The following PTPRO variants were observed in gnomAD, a reference collection of about 807,000 sequenced individuals.
PTPRO encodes the protein protein tyrosine phosphatase receptor type O.
Under a neutral mutation model 145.2 loss-of-function variants are expected in PTPRO, and 62 were observed. The observed-to-expected ratio is 0.43, with a 90% confidence interval of 0.35 to 0.53. The LOEUF (loss-of-function observed/expected upper bound fraction) is 0.53. Ranked by LOEUF, PTPRO falls within the 20% of genes least tolerant of loss-of-function variation. The pLI, the probability that PTPRO is intolerant of heterozygous loss-of-function variation, is 0.01. For synonymous variants in PTPRO, 565 were observed against 514.7 expected (o/e 1.10, Z -1.32); for missense variants, 1,345 against 1,482.7 (o/e 0.91, Z 1.53).
intron 1 of PTPRO, among the ~76,000 whole-genome samples, chr12:15,384,754 A>C (rs553428226): frequency 9.2e-5 from 14 of 152,204 alleles, no homozygotes; most frequent in Non-Finnish European, 1.8e-4. Flanking sequence ...ATGTTAATAC[A>C]ATAAAGAATT....
chr12:15,438,687 C>T (rs191883616), intron 1 of PTPRO, among the ~76,000 whole-genome samples: 1 of 151,740 alleles, frequency 6.6e-6, no homozygotes, highest in Non-Finnish European at 1.5e-5. Flanking sequence ...AATGAGCAGT[C>T]CTCATGAAAT....
At chr12:15,423,155 G>A (rs1477066917) in intron 1 of PTPRO, among the ~76,000 whole-genome samples, 1 of 152,164 alleles carries the variant, frequency 6.6e-6, no homozygotes, top group Non-Finnish European at 1.5e-5. Flanking sequence ...GGATGCAAGA[G>A]AGGAGCACTG....
intron 1 of PTPRO, among the ~76,000 whole-genome samples, chr12:15,397,569 C>T (rs1184104862): frequency 1.3e-5 from 2 of 152,188 alleles, no homozygotes; most frequent in African/African-American, 4.8e-5. Flanking sequence ...TTACCTCCAA[C>T]TGAGAATATG....
chr12:15,429,857 A>C (rs1281566682), intron 1 of PTPRO, among the ~76,000 whole-genome samples: 1 of 152,184 alleles, frequency 6.6e-6, no homozygotes, highest in Non-Finnish European at 1.5e-5. Context: ...CAAGAGATTA[A>C]AAACAATAGA....
intron 1 of PTPRO, among the ~76,000 whole-genome samples, chr12:15,460,234 C>A (rs1168472779): frequency 1.3e-5 from 2 of 152,150 alleles, no homozygotes; most frequent in African/African-American, 4.8e-5. Flanking sequence ...AAAACTAAGG[C>A]CTTGCTACCA....
At chr12:15,517,706 C>T (rs1436769420) in intron 9 of PTPRO, among the ~76,000 whole-genome samples, 6 of 152,224 alleles carry the variant, frequency 3.9e-5, no homozygotes, top group African/African-American at 1.4e-4. Context: ...CTCCAAAATC[C>T]ACTGGGACAG....
Position 15,578,952 on chromosome 12 carries a change from G to A in PTPRO, c.2920+9G>A, listed in dbSNP as rs757572769. ...CACAAACATCCTACCATGTAAGATC[G>A]TCAATTGTGCCAATAACACTCATGT... On this transcript the variant is annotated intron_variant, in intron 20 of 26. Transcript: ENST00000281171. The A allele has an allele frequency of 3.4e-5, 53 of 1,555,322 alleles. 2 individuals carry two copies. Among genetic ancestry groups the A allele is most frequent in the South Asian group, 1.3e-4 (12 of 89,866 alleles).
chr12:15,428,441 T>C (rs971922674), intron 1 of PTPRO, among the ~76,000 whole-genome samples: 1 of 152,108 alleles, frequency 6.6e-6, no homozygotes, highest in Admixed American at 6.6e-5. Context: ...AGACTAGTGG[T>C]CAAAATTGAA....
rs771118901 is a variant in PTPRO, at chr12:15,578,885, C to T, written c.2862C>T (p.His954=). ...ELKLIGLDIP[H]FAADLPLNRC... Reference sequence around the variant, plus strand: ...AATTGATTGGACTGGATATCCCACACTTTGCTGCAGATCTTCCACTGAATC... The same window carrying T: ...AATTGATTGGACTGGATATCCCACATTTTGCTGCAGATCTTCCACTGAATC... Residue 954 remains histidine, a synonymous_variant, in exon 20 of 27, where the codon CAC becomes CAT. Transcript: ENST00000281171. 6.2e-7 allele frequency: 1 copy of T among 1,606,920 alleles called. No homozygotes were observed. Among genetic ancestry groups the T allele is most frequent in the Non-Finnish European group, 8.5e-7 (1 of 1,173,438 alleles).
chr12:15,582,413 C>A (rs1180804667), intron 23 of PTPRO, among the ~76,000 whole-genome samples: 1 of 152,228 alleles, frequency 6.6e-6, no homozygotes, highest in Non-Finnish European at 1.5e-5. Context: ...ATTGCTGCTT[C>A]CTTCAAGAGG....
At chr12:15,390,656 A>C (rs2136286085) in intron 1 of PTPRO, among the ~76,000 whole-genome samples, 1 of 152,280 alleles carries the variant, frequency 6.6e-6, no homozygotes, top group East Asian at 1.9e-4. Flanking sequence ...GGCAGAAAAT[A>C]AGAATTATAT....
chr12:15,333,546 T>C (rs139581624), intron 1 of PTPRO, among the ~76,000 whole-genome samples: 1 of 152,216 alleles, frequency 6.6e-6, no homozygotes, highest in East Asian at 1.9e-4. Flanking sequence ...AAATGGAAGG[T>C]ATGGGACAGA....
At chr12:15,570,529 A>G (rs1944021137) in intron 19 of PTPRO, among the ~76,000 whole-genome samples, 1 of 152,176 alleles carries the variant, frequency 6.6e-6, no homozygotes, top group Admixed American at 6.5e-5. Context: ...AAAGACCGCT[A>G]ACTACCACCT....
intron 19 of PTPRO, 43 bp downstream of exon 19, chr12:15,569,541 G>A (rs1168512844): frequency 7.8e-6 from 12 of 1,532,326 alleles, no homozygotes; most frequent in Non-Finnish European, 1.1e-5. Context: ...AATGGAAAGG[G>A]CCTGGGAATT....
At chr12:15,543,634 G>A (rs1943221635) in intron 12 of PTPRO, among the ~76,000 whole-genome samples, 1 of 152,082 alleles carries the variant, frequency 6.6e-6, no homozygotes, top group Admixed American at 6.6e-5. Context: ...TTCAAATGAA[G>A]ACAAAGTCAT....
At chr12:15,426,791 A>C (rs1591801464) in intron 1 of PTPRO, among the ~76,000 whole-genome samples, 1 of 151,970 alleles carries the variant, frequency 6.6e-6, no homozygotes, top group African/African-American at 2.4e-5. Flanking sequence ...AATACCAGAC[A>C]CTCAGTTAAA....
chr12:15,343,874 C>T (rs921588844), intron 1 of PTPRO, among the ~76,000 whole-genome samples: 8 of 152,014 alleles, frequency 5.3e-5, no homozygotes, highest in African/African-American at 1.9e-4. Flanking sequence ...TTAGTAGAGA[C>T]GGGGTTTCAC....
intron 12 of PTPRO, among the ~76,000 whole-genome samples, chr12:15,539,937 G>C (rs904060960): frequency 6.7e-6 from 1 of 149,872 alleles, no homozygotes; most frequent in Admixed American, 6.6e-5. Flanking sequence ...TTTATTTCCT[G>C]GTTTTTTTTT....
intron 8 of PTPRO, among the ~76,000 whole-genome samples, chr12:15,516,269 G>A (rs1298587637): frequency 2.7e-5 from 4 of 147,932 alleles, no homozygotes; most frequent in African/African-American, 9.9e-5. Context: ...TTACAGGCAT[G>A]AGCCACCACA....
Sources: allele counts gnomAD v4.1 joint callset (sites outside exome capture counted in the v4.1 genomes callset), GRCh38; gene constraint gnomAD v4.1.1; transcripts MANE v1.5; gene names NCBI Gene and HGNC (gene_info 2026-07-23, HGNC 2026-07-21).